The following TASP1 variants were observed in gnomAD, a reference collection of about 807,000 sequenced individuals.
TASP1 encodes the protein threonine aspartase 1.
In TASP1, 16 loss-of-function variants were observed where a neutral mutation model predicts 56.6. That is an observed-to-expected ratio of 0.28 (90% confidence interval 0.19 to 0.43). TASP1 has a LOEUF of 0.43. Ranked by LOEUF, TASP1 falls within the 20% of genes least tolerant of loss-of-function variation. TASP1 has a pLI of 1.00. For missense variants in TASP1, 393 were observed against 511.6 expected, an observed-to-expected ratio of 0.77 and a Z score of 2.24; for synonymous variants, 179 against 184.2, an observed-to-expected ratio of 0.97 and a Z score of 0.23.
At chr20:13,621,172 G>A (rs951372299) in intron 4 of TASP1, among the ~76,000 whole-genome samples, 2 of 151,806 alleles carry the variant, frequency 1.3e-5, no homozygotes, top group African/African-American at 4.8e-5. Flanking sequence ...GCCTGTAATC[G>A]CAGCACTTTG....
intron 11 of TASP1, among the ~76,000 whole-genome samples, chr20:13,441,453 G>A (rs1407510920): frequency 6.6e-6 from 1 of 152,184 alleles, no homozygotes; most frequent in Non-Finnish European, 1.5e-5. Context: ...TGTCACTGGG[G>A]CTGAGCCTTG....
chr20:13,613,293 G>T (rs1022285095), intron 4 of TASP1, among the ~76,000 whole-genome samples: 2 of 152,104 alleles, frequency 1.3e-5, no homozygotes, highest in African/African-American at 4.8e-5. Context: ...TCAGAAAGAA[G>T]CTAGACTTAT....
chr20:13,257,600 T>C, the TASP1 span, among the ~76,000 whole-genome samples: 1 of 152,098 alleles, frequency 6.6e-6, no homozygotes, highest in African/African-American at 2.4e-5. Flanking sequence ...GTTTTTATCA[T>C]CACTATATCT....
At chr20:13,306,950 C>T in the TASP1 span, among the ~76,000 whole-genome samples, 3 of 152,158 alleles carry the variant, frequency 2.0e-5, no homozygotes, top group African/African-American at 7.2e-5. Context: ...CCAAGGCCAC[C>T]TGCTCTGTGT....
At chr20:13,455,011 C>T (rs2043773793) in intron 11 of TASP1, among the ~76,000 whole-genome samples, 1 of 152,058 alleles carries the variant, frequency 6.6e-6, no homozygotes, top group South Asian at 2.1e-4. Context: ...TTACATTCTA[C>T]ACATGTCTAG....
At chr20:13,252,935 C>G in the TASP1 span, among the ~76,000 whole-genome samples, 3 of 152,190 alleles carry the variant, frequency 2.0e-5, no homozygotes, top group Admixed American at 6.5e-5. Flanking sequence ...CCCCAGCCCC[C>G]CCTCTCAGAT....
At chr20:13,609,198 A>G (rs2048261997) in intron 4 of TASP1, among the ~76,000 whole-genome samples, 1 of 152,200 alleles carries the variant, frequency 6.6e-6, no homozygotes, top group Non-Finnish European at 1.5e-5. Flanking sequence ...AATATATCCA[A>G]TATCATGATC....
chr20:13,290,036 T>C, the TASP1 span, among the ~76,000 whole-genome samples: 27,205 of 152,034 alleles, frequency 0.18, 2,699 homozygotes, highest in Admixed American at 0.24. Flanking sequence ...AGAATCAGAT[T>C]GGAATGAATG....
At position 13,623,460 on chromosome 20, in the gene TASP1, G is replaced by A; in HGVS notation, c.268C>T (p.Leu90=). The A allele has an allele frequency of 6.2e-7, 1 of 1,607,984 alleles. No homozygotes were observed. Among genetic ancestry groups the A allele is most frequent in the Non-Finnish European group, 8.5e-7 (1 of 1,174,910 alleles). Residue 90 remains leucine, a synonymous_variant, in exon 4 of 14, where the codon CTG becomes TTG. Coordinates refer to ENST00000337743, the MANE Select transcript of TASP1 (RefSeq NM_017714.3). Reference sequence around the variant, plus strand: ...AAAAGAAATACCTCAAGTTCCACCAGTGCTGCAGTGACTGCGTCAGTTGCA... The same window carrying A: ...AAAAGAAATACCTCAAGTTCCACCAATGCTGCAGTGACTGCGTCAGTTGCA... The part of the protein sequence containing the change: ...ALATDAVTAA[L]VELEDSPFTN...
chr20:13,630,414 C>T (rs1056233544), intron 1 of TASP1, among the ~76,000 whole-genome samples: 5 of 151,994 alleles, frequency 3.3e-5, no homozygotes, highest in Non-Finnish European at 7.4e-5. Context: ...TAGGGGCGAG[C>T]GCAGTGGCTT....
the TASP1 span, among the ~76,000 whole-genome samples, chr20:13,125,738 A>G: frequency 6.6e-6 from 1 of 152,178 alleles, no homozygotes; most frequent in South Asian, 2.1e-4. Context: ...TAGCAGCTGG[A>G]GAGAGTTCTG....
At chr20:13,234,533 G>A in the TASP1 span, among the ~76,000 whole-genome samples, 139 of 152,288 alleles carry the variant, frequency 9.1e-4, 2 homozygotes, top group African/African-American at 3.3e-3. Context: ...TCTCCATACT[G>A]TTTTCTATAA....
chr20:13,241,604 C>A, the TASP1 span, among the ~76,000 whole-genome samples: 1 of 152,130 alleles, frequency 6.6e-6, no homozygotes, highest in African/African-American at 2.4e-5. Context: ...GAGTTACCAT[C>A]TCATGACTCC....
the TASP1 span, among the ~76,000 whole-genome samples, chr20:13,285,128 T>C: frequency 6.6e-6 from 1 of 152,010 alleles, no homozygotes; most frequent in Non-Finnish European, 1.5e-5. Context: ...CTCTATAAAA[T>C]TTTTTTGAAA....
At chr20:13,114,225 C>T in the TASP1 span, among the ~76,000 whole-genome samples, 7 of 152,284 alleles carry the variant, frequency 4.6e-5, no homozygotes, top group East Asian at 9.6e-4. Flanking sequence ...ACGTAAAACC[C>T]AAAGTTTCAT....
the TASP1 span, among the ~76,000 whole-genome samples, chr20:13,225,278 T>C: frequency 6.6e-6 from 1 of 152,196 alleles, no homozygotes; most frequent in Non-Finnish European, 1.5e-5. Context: ...CTTCTTCATT[T>C]ATTTTCGTTA....
chr20:13,158,828 C>T, the TASP1 span, among the ~76,000 whole-genome samples: 1 of 152,208 alleles, frequency 6.6e-6, no homozygotes, highest in Admixed American at 6.5e-5. Context: ...GACTGCTCAA[C>T]AGCAAAACAA....
At chr20:13,527,682 T>C (rs1455424730) in intron 10 of TASP1, among the ~76,000 whole-genome samples, 1 of 152,006 alleles carries the variant, frequency 6.6e-6, no homozygotes, top group East Asian at 1.9e-4. Flanking sequence ...AATATACATA[T>C]AAAAAGAAGA....
chr20:13,247,517 GGTGTGTGT>G, the TASP1 span, among the ~76,000 whole-genome samples: 264 of 139,886 alleles, frequency 1.9e-3, no homozygotes, highest in Non-Finnish European at 2.2e-3. Context: ...CAAAGTGAGG[GGTGTGTGT>G]GTGTGTGTGT....
Sources: allele counts gnomAD v4.1 joint callset (sites outside exome capture counted in the v4.1 genomes callset), GRCh38; gene constraint gnomAD v4.1.1; transcripts MANE v1.5; gene names NCBI Gene and HGNC (gene_info 2026-07-23, HGNC 2026-07-21).